TSPEAR: variants seen among roughly 807,000 people sequenced by gnomAD.
TSPEAR encodes thrombospondin-type laminin G domain and EAR repeat-containing protein.
A neutral mutation model predicts 71.6 loss-of-function variants in TSPEAR; 69 were observed. That is an observed-to-expected ratio of 0.96 (90% CI 0.79 to 1.18). TSPEAR has a LOEUF of 1.18. Ranked by LOEUF, TSPEAR falls within the 50% of genes most tolerant of loss-of-function variation. The pLI is 0.00. For synonymous variants in TSPEAR, 402 were observed against 387.2 expected (o/e 1.04, Z -0.45); for missense variants, 971 against 894.9 (o/e 1.09, Z -1.09).
chr21:44,616,563 G>C (rs1555932478), intron 1 of TSPEAR, among the ~76,000 whole-genome samples: 1 of 152,170 alleles, frequency 6.6e-6, no homozygotes, highest in Non-Finnish European at 1.5e-5. Context: ...GAGCTTCACA[G>C]CCTCCTTCTC....
chr21:44,670,273 T>C (rs782562842), intron 1 of TSPEAR, among the ~76,000 whole-genome samples: 14 of 152,110 alleles, frequency 9.2e-5, no homozygotes, highest in Non-Finnish European at 1.6e-4. Context: ...GTTGTTATAA[T>C]CATTAATAAT....
At chr21:44,667,203 G>C (rs982357046) in intron 1 of TSPEAR, among the ~76,000 whole-genome samples, 1 of 152,222 alleles carries the variant, frequency 6.6e-6, no homozygotes, top group South Asian at 2.1e-4. Flanking sequence ...AGTTACTTTT[G>C]TGAGATTCCA....
chr21:44,553,609 A>G (rs587739185), intron 2 of TSPEAR, among the ~76,000 whole-genome samples: 67 of 152,352 alleles, frequency 4.4e-4, no homozygotes, highest in African/African-American at 1.5e-3. Context: ...GAGAAAAAAA[A>G]ATAAGATCAA....
intron 1 of TSPEAR, among the ~76,000 whole-genome samples, chr21:44,599,069 G>T (rs906982250): frequency 6.7e-5 from 10 of 148,544 alleles, no homozygotes; most frequent in African/African-American, 2.5e-4. Context: ...TTTTCAAGTT[G>T]TTCTCAGCAG....
At position 44,521,955 on chromosome 21, in the gene TSPEAR, GC is replaced by G. The variant is rs2052743077; in HGVS notation, c.1493del (p.Gly498AlafsTer71). The G allele has an allele frequency of 6.2e-7, 1 of 1,614,138 alleles. No individual in the cohort carries two copies. The highest frequency in any genetic ancestry group is 1.3e-5 in the African/African-American group (1 of 75,036). On this transcript the variant is annotated frameshift_variant, in exon 9 of 12. Transcript: ENST00000323084. LOFTEE classifies it high-confidence loss of function. ...GGTGCGAGTGCACCTTGGTGGAGGTGCCGTTGAAGGTGTTGGCCACCACCAG... is the reference window on the plus strand; with the variant it reads ...GGTGCGAGTGCACCTTGGTGGAGGTGCGTTGAAGGTGTTGGCCACCACCAG... ...SFLVVANTFN[G>X]TSTKVHSHLY...
chr21:44,513,040 A>C (rs113876738), intron 9 of TSPEAR, among the ~76,000 whole-genome samples: 2,598 of 152,340 alleles, frequency 0.017, 34 homozygotes, highest in Non-Finnish European at 0.027. Flanking sequence ...ATGATTCTTT[A>C]GTCTGTGTGT....
chr21:44,646,673 C>A (rs1555939896), intron 1 of TSPEAR: 1 of 1,613,992 alleles, frequency 6.2e-7, no homozygotes, highest in South Asian at 1.1e-5. Flanking sequence ...TCAGGCTGCA[C>A]CAGCTCCTGC....
chr21:44,526,479 A>G (rs1428194017), intron 7 of TSPEAR, among the ~76,000 whole-genome samples: 4 of 150,974 alleles, frequency 2.6e-5, no homozygotes, highest in Non-Finnish European at 5.9e-5. Context: ...TTAAAACCTT[A>G]TGATGTCATC....
At chr21:44,519,222 A>G (rs8128835) in intron 9 of TSPEAR, 61,719 of 152,716 alleles carry the variant, frequency 0.4, 13,460 homozygotes, top group African/African-American at 0.58. Flanking sequence ...TAGTAGAGAC[A>G]GGGTTTCACC....
chr21:44,558,631 G>A (rs200759941), intron 2 of TSPEAR: 15 of 1,612,732 alleles, frequency 9.3e-6, no homozygotes, highest in African/African-American at 2.7e-5. Flanking sequence ...CAGCAGGGGG[G>A]CTCACAGCAG....
intron 2 of TSPEAR, among the ~76,000 whole-genome samples, chr21:44,540,835 C>T (rs965909506): frequency 1.1e-4 from 16 of 152,292 alleles, no homozygotes; most frequent in African/African-American, 3.1e-4. Context: ...GGTGTGGGAA[C>T]GCTGGGGATA....
At chr21:44,675,873 C>G (rs1423842817) in intron 1 of TSPEAR, 1 of 699,586 alleles carries the variant, frequency 1.4e-6, no homozygotes, top group Non-Finnish European at 2.6e-6. Context: ...AGACCTTACT[C>G]TGGCTGTACT....
chr21:44,607,045 G>A (rs1235268473), intron 1 of TSPEAR, among the ~76,000 whole-genome samples: 1 of 152,208 alleles, frequency 6.6e-6, no homozygotes, highest in Non-Finnish European at 1.5e-5. Flanking sequence ...GTAAGTTGGT[G>A]AGATGATGGT....
chr21:44,646,291 C>A lies in TSPEAR; in HGVS notation c.82+65142G>T, dbSNP rs1311900393. 8 of 954,656 alleles carry A rather than the reference C, an allele frequency of 8.4e-6. No homozygotes were observed. In the East Asian group the frequency reaches 2.1e-4, roughly 25 times the overall value. 59.1% of individuals were successfully genotyped at this position (954,656 alleles called of 1,614,324 possible). On this transcript the variant is annotated intron_variant, in intron 1 of 11. Coordinates refer to ENST00000323084, the MANE Select transcript of TSPEAR (RefSeq NM_144991.3). ...TGAATGATGCATCTCCAGCCACCAG[C>A]TGTAAACACCAACAAGGAAGAAAAG...
intron 4 of TSPEAR, 79 bp from the exon 5 acceptor site, chr21:44,530,033 C>T: frequency 7.1e-7 from 1 of 1,415,014 alleles, no homozygotes; most frequent in Non-Finnish European, 9.3e-7. Flanking sequence ...TGAGCTTGGC[C>T]CATCCAGAGC....
rs1192317743 is a variant in TSPEAR, at chr21:44,654,816, T to C, written c.82+56617A>G. ...GAGGTTACTCAGTTCAGGAAACTCT[T>C]TCAGCTAGGGGTGCCCTATCATTCA... On this transcript the variant is annotated intron_variant, in intron 1 of 11. Transcript: ENST00000323084. Among the ~76,000 whole-genome samples the C allele has an allele frequency of 5.3e-5, 8 of 150,634 alleles. No homozygotes were observed. In the South Asian group the frequency reaches 6.4e-4, roughly 12 times the overall value.
chr21:44,542,890 G>A (rs1364346056), intron 2 of TSPEAR, among the ~76,000 whole-genome samples: 1 of 152,014 alleles, frequency 6.6e-6, no homozygotes, highest in East Asian at 1.9e-4. Context: ...TTTAAAAACA[G>A]CCAGAGGAAA....
intron 1 of TSPEAR, chr21:44,647,166 T>C (rs587763118): frequency 1.5e-5 from 24 of 1,613,926 alleles, no homozygotes; most frequent in East Asian, 4.5e-5. Flanking sequence ...CCTCCTCCTC[T>C]GTGTCCCTCC....
In TSPEAR at chr21:44,504,852, C is replaced by T; in HGVS notation, c.1784G>A (p.Gly595Glu). The change falls in exon 11 of 12, where the codon GGA becomes GAA. Residue 595 changes from glycine to glutamate, a missense_variant. Physicochemically the swap from Gly to Glu is moderately conservative, Grantham distance 98. Coordinates refer to ENST00000323084, the MANE Select transcript of TSPEAR (RefSeq NM_144991.3). Reference sequence around the variant, plus strand: ...GGCCACCACCAGGAAATAATCTTCTCCCACCGAGAAAAACTCCCAGTCCAG... The same window carrying T: ...GGCCACCACCAGGAAATAATCTTCTTCCACCGAGAAAAACTCCCAGTCCAG... ...SALDWEFFSV[G>E]EDYFLVVANS... 6.2e-7 allele frequency: 1 copy of T among 1,611,104 alleles called. No homozygotes were observed. Among genetic ancestry groups the T allele is most frequent in the Non-Finnish European group, 8.5e-7 (1 of 1,178,982 alleles).
Sources: allele counts gnomAD v4.1 joint callset (sites outside exome capture counted in the v4.1 genomes callset), GRCh38; gene constraint gnomAD v4.1.1; transcripts MANE v1.5; gene names NCBI Gene and HGNC (gene_info 2026-07-23, HGNC 2026-07-21).